The following TTLL5 variants were observed in gnomAD, a reference collection of about 807,000 sequenced individuals.
The protein encoded by TTLL5 is tubulin polyglutamylase TTLL5.
TTLL5 carries 132 observed loss-of-function variants against 168.4 expected under a neutral mutation model. That is an observed-to-expected ratio of 0.78 (90% CI 0.68 to 0.91). The LOEUF (loss-of-function observed/expected upper bound fraction) is 0.91, where lower values mean the gene tolerates loss of function less well. TTLL5 is among the 40% of genes least tolerant of loss of function. The probability of loss-of-function intolerance (pLI) is 0.00; values close to 1 mark genes in which losing one functional copy is unlikely to be tolerated. For missense variants in TTLL5, 1,545 were observed against 1,581.5 expected, an observed-to-expected ratio of 0.98 and a Z score of 0.39; for synonymous variants, 546 against 558.6, an observed-to-expected ratio of 0.98 and a Z score of 0.32.
At chr14:75,687,850 A>C (rs914891916) in intron 5 of TTLL5, among the ~76,000 whole-genome samples, 1 of 152,240 alleles carries the variant, frequency 6.6e-6, no homozygotes, top group African/African-American at 2.4e-5. Context: ...CAATAGCATT[A>C]GTAATTAATG....
At chr14:75,676,538 G>T (rs931881627) in intron 3 of TTLL5, among the ~76,000 whole-genome samples, 5 of 152,112 alleles carry the variant, frequency 3.3e-5, no homozygotes, top group African/African-American at 1.2e-4. Flanking sequence ...AAAATCTCCA[G>T]CAGTGATGTT....
At chr14:75,726,732 G>A (rs560429671) in intron 12 of TTLL5, among the ~76,000 whole-genome samples, 1 of 152,224 alleles carries the variant, frequency 6.6e-6, no homozygotes, top group Non-Finnish European at 1.5e-5. Flanking sequence ...GCATAGAATG[G>A]GGGAATAGAA....
At chr14:75,746,271 C>T (rs1889603838) in intron 17 of TTLL5, among the ~76,000 whole-genome samples, 1 of 152,050 alleles carries the variant, frequency 6.6e-6, no homozygotes, top group African/African-American at 2.4e-5. Flanking sequence ...TATACTATGT[C>T]ATTGTTTGAA....
intron 10 of TTLL5, 74 bp downstream of exon 10, chr14:75,718,036 CAT>C (rs1887586397): frequency 5.2e-6 from 7 of 1,340,826 alleles, no homozygotes; most frequent in South Asian, 3.6e-5. Context: ...GGAAAGGTAA[CAT>C]GTGGCACTGG....
chr14:75,920,007 A>G (rs2140136027), intron 31 of TTLL5, among the ~76,000 whole-genome samples: 1 of 152,250 alleles, frequency 6.6e-6, no homozygotes, highest in Non-Finnish European at 1.5e-5. Context: ...TGTAAGTTCC[A>G]GCTACTGGGG....
In TTLL5 at chr14:75,758,197, GCA is replaced by G. The variant is rs528869177; in HGVS notation, c.1550+5247_1550+5248del. On this transcript the variant is annotated intron_variant, in intron 18 of 31. Coordinates refer to ENST00000298832, the MANE Select transcript of TTLL5 (RefSeq NM_015072.5). ...GTGTTTTGGCCTTGACATACCTGAG[GCA>G]CACAGCTCTGTGCCTCATGGTACAG... Among the ~76,000 whole-genome samples, 9 of 152,286 alleles carry G rather than the reference GCA, an allele frequency of 5.9e-5. No homozygotes were observed. In the South Asian group the frequency reaches 1.9e-3, roughly 32 times the overall value.
chr14:75,916,945 C>T (rs1324858681), intron 31 of TTLL5, among the ~76,000 whole-genome samples: 1 of 152,136 alleles, frequency 6.6e-6, no homozygotes, highest in African/African-American at 2.4e-5. Context: ...AAGACAAGTA[C>T]TATATGATTC....
At chr14:75,941,690 G>A (rs1191965498) in intron 31 of TTLL5, among the ~76,000 whole-genome samples, 2 of 151,826 alleles carry the variant, frequency 1.3e-5, no homozygotes, top group Non-Finnish European at 2.9e-5. Context: ...TCTGAGACAG[G>A]TTCTTGCTGT....
chr14:75,759,242 A>G (rs1252747119), intron 18 of TTLL5, among the ~76,000 whole-genome samples: 1 of 152,192 alleles, frequency 6.6e-6, no homozygotes, highest in African/African-American at 2.4e-5. Flanking sequence ...CAATATTATT[A>G]GCAACTTTAT....
At chr14:75,858,005 T>C (rs1009605078) in intron 28 of TTLL5, among the ~76,000 whole-genome samples, 1 of 152,070 alleles carries the variant, frequency 6.6e-6, no homozygotes, top group Non-Finnish European at 1.5e-5. Context: ...TGTAAGAAAA[T>C]ATTAAGGTTT....
chr14:75,773,969 G>GAGAAAGAGAGAA (rs1566598284), intron 21 of TTLL5, among the ~76,000 whole-genome samples: 2 of 126,230 alleles, frequency 1.6e-5, no homozygotes, highest in Admixed American at 7.9e-5. Context: ...GAGAGAGAGA[G>GAGAAAGAGAGAA]AGAGAGAGAG....
intron 31 of TTLL5, among the ~76,000 whole-genome samples, chr14:75,944,182 T>G (rs2034698261): frequency 6.6e-6 from 1 of 152,230 alleles, no homozygotes; most frequent in Non-Finnish European, 1.5e-5. Flanking sequence ...GCGGCAGACC[T>G]GTACAGATAC....
intron 28 of TTLL5, among the ~76,000 whole-genome samples, chr14:75,862,895 T>C (rs761795217): frequency 6.6e-6 from 1 of 152,174 alleles, no homozygotes; most frequent in Non-Finnish European, 1.5e-5. Context: ...TACGGTGAGC[T>C]GTGATTGCAC....
rs1224139526 is a variant in TTLL5, at chr14:75,783,171, A to C, written c.2627A>C (p.Glu876Ala). The change falls in exon 26 of 32, where the codon GAG (glutamate) becomes GCG (alanine). Residue 876 changes from glutamate to alanine, a missense_variant. Transcript: ENST00000298832. Reference sequence around the variant, plus strand: ...GGATTTACCACTTCAGCAGAAAAAGAGGCAAAATTAGTTTATAGCAATTCC... The same window carrying C: ...GGATTTACCACTTCAGCAGAAAAAGCGGCAAAATTAGTTTATAGCAATTCC... ...LSRFTTSAEKEAKLVYSNSSS... is the reference protein window; with the variant it reads ...LSRFTTSAEKAAKLVYSNSSS... The C allele has an allele frequency of 2.5e-6, 4 of 1,611,486 alleles. No homozygotes were observed.
intron 28 of TTLL5, among the ~76,000 whole-genome samples, chr14:75,851,264 G>A (rs1028913103): frequency 3.3e-5 from 5 of 152,094 alleles, no homozygotes; most frequent in African/African-American, 4.8e-5. Context: ...AAGAATATAC[G>A]TCAACATGGT....
intron 9 of TTLL5, among the ~76,000 whole-genome samples, chr14:75,715,545 G>C (rs1001654961): frequency 4.6e-5 from 7 of 152,044 alleles, no homozygotes; most frequent in African/African-American, 1.7e-4. Flanking sequence ...GCTCTTACTG[G>C]GGTAGGAGGA....
intron 31 of TTLL5, among the ~76,000 whole-genome samples, chr14:75,943,707 C>T (rs1429612449): frequency 6.6e-6 from 1 of 152,060 alleles, no homozygotes; most frequent in Admixed American, 6.5e-5. Context: ...AACATGGCAC[C>T]ATGAGCAAAG....
chr14:75,882,081 CT>C (rs1566643821), intron 29 of TTLL5, among the ~76,000 whole-genome samples: 1 of 152,088 alleles, frequency 6.6e-6, no homozygotes, highest in East Asian at 1.9e-4. Flanking sequence ...TTATGTTAAT[CT>C]TTAGGTCAAC....
At chr14:75,757,982 G>A (rs1890388896) in intron 18 of TTLL5, 2 of 1,106,556 alleles carry the variant, frequency 1.8e-6, no homozygotes, top group Non-Finnish European at 2.4e-6. Flanking sequence ...AGCTTGAATA[G>A]TAACATAAAA....
Sources: gnomAD v4.1 joint callset for allele counts (sites outside exome capture counted in the v4.1 genomes callset) on GRCh38, gnomAD v4.1.1 for gene constraint, MANE v1.5 for transcripts, NCBI Gene and HGNC (gene_info 2026-07-23, HGNC 2026-07-21) for gene names.